The following PCDHGA3 variants were observed in gnomAD, a reference collection of about 807,000 sequenced individuals.
The protein encoded by PCDHGA3 is protocadherin gamma subfamily A, 3, also known as protocadherin gamma-A3.
A neutral mutation model predicts 58.5 loss-of-function variants in PCDHGA3; 40 were observed. The observed-to-expected ratio is 0.68, with a 90% CI of 0.53 to 0.89. PCDHGA3 has a LOEUF of 0.89. Ranked by LOEUF, PCDHGA3 falls within the 40% of genes least tolerant of loss-of-function variation. The probability of loss-of-function intolerance (pLI) is 0.00; values close to 1 mark genes in which losing one functional copy is unlikely to be tolerated. For synonymous variants in PCDHGA3, 530 were observed against 525.7 expected (o/e 1.01, Z -0.11); for missense variants, 1,223 against 1,195.9 (o/e 1.02, Z -0.33).
At chr5:141,355,779 G>C (rs762969886) in intron 1 of PCDHGA3, 1 of 1,613,716 alleles carries the variant, frequency 6.2e-7, no homozygotes, top group East Asian at 2.2e-5. Context: ...AGTACCCAGA[G>C]CTGGTGCTGG....
intron 1 of PCDHGA3, chr5:141,392,696 T>A: frequency 8.2e-7 from 1 of 1,212,692 alleles, no homozygotes. Flanking sequence ...ACCCGACCCC[T>A]GTTTGGAGGC....
At chr5:141,408,226 GCGCCGGGCCGGCC>G (rs2095062452) in intron 1 of PCDHGA3, 1 of 1,562,288 alleles carries the variant, frequency 6.4e-7, no homozygotes, top group South Asian at 1.2e-5. Flanking sequence ...GCGCGCAGAG[GCGCCGGGCCGGCC>G]CGCGGCAGGT....
At chr5:141,351,871 G>T in intron 1 of PCDHGA3, 1 of 1,613,256 alleles carries the variant, frequency 6.2e-7, no homozygotes, top group Non-Finnish European at 8.5e-7. Context: ...GCTCCCCCGC[G>T]CTCAGCGCCA....
At chr5:141,376,372 G>T in intron 1 of PCDHGA3, 1 of 1,614,182 alleles carries the variant, frequency 6.2e-7, no homozygotes, top group Non-Finnish European at 8.5e-7. Flanking sequence ...CTGCAGACTC[G>T]CGTAAGAGTC....
chr5:141,485,065 A>G lies in PCDHGA3; in HGVS notation c.2425-9742A>G, dbSNP rs527439590. On this transcript the variant is annotated intron_variant, in intron 1 of 3. Transcript: ENST00000253812. The surrounding 1 kb of genome is among the most constrained non-coding windows in gnomAD (Gnocchi z 5.7). ...TGCGGCGCCGGCCGAACCGCGCCAG[A>G]GCTGGCGCGGGGAAAGGGAGATAGG... The G allele has an allele frequency of 4.2e-5, 37 of 877,696 alleles. No individual in the cohort carries two copies. Among genetic ancestry groups the G allele is most frequent in the Non-Finnish European group, 6.5e-5 (36 of 552,826 alleles). The allele number at this position is 877,696 out of a possible 1,614,324, so 54.4% of individuals were successfully genotyped here. A position where few individuals can be genotyped will look rare whatever the true frequency, so the allele number is the denominator to read the frequency against.
In PCDHGA3 at chr5:141,345,188, TG is replaced by T. The variant is rs757481424; in HGVS notation, c.1156del (p.Val386SerfsTer9). 9.9e-6 allele frequency: 16 copies of T among 1,614,034 alleles called. No homozygotes were observed. In the South Asian group the frequency reaches 1.6e-4, roughly 17 times the overall value. ...GGCAGAATGGGCAGGTTGAAGTTTT[TG>T]TCCTGGGAAATCTGCCATTTAAGTT... ...SGQNGQVEVF[V>X]LGNLPFKLEK... On this transcript the variant is annotated frameshift_variant, in exon 1 of 4. Coordinates refer to ENST00000253812, the MANE Select transcript of PCDHGA3 (RefSeq NM_018916.4). LOFTEE classifies it high-confidence loss of function.
At chr5:141,499,057 A>G (rs1361057448) in intron 2 of PCDHGA3, among the ~76,000 whole-genome samples, 1 of 152,036 alleles carries the variant, frequency 6.6e-6, no homozygotes, top group Non-Finnish European at 1.5e-5. Flanking sequence ...GAAAAAATGA[A>G]GAAGACTTAC....
chr5:141,475,116 C>G (rs1383017919), intron 1 of PCDHGA3, among the ~76,000 whole-genome samples: 2 of 152,128 alleles, frequency 1.3e-5, no homozygotes, highest in African/African-American at 4.8e-5. Context: ...GTAAATAGGC[C>G]TGGCTTTTTT....
intron 1 of PCDHGA3, chr5:141,404,091 G>A (rs1404367820): frequency 6.2e-7 from 1 of 1,613,422 alleles, no homozygotes; most frequent in Non-Finnish European, 8.5e-7. Flanking sequence ...GGGAAGAATG[G>A]TCAAGTTGTC....
intron 1 of PCDHGA3, among the ~76,000 whole-genome samples, chr5:141,450,025 G>C (rs963999877): frequency 2.7e-5 from 1 of 36,752 alleles, no homozygotes; most frequent in Non-Finnish European, 5.4e-5. Context: ...TTTTTTTTTT[G>C]AGACAGGGTC....
intron 1 of PCDHGA3, among the ~76,000 whole-genome samples, chr5:141,492,409 C>T (rs1367119266): frequency 6.6e-6 from 1 of 152,230 alleles, no homozygotes. Context: ...TCCCCTCTGC[C>T]GCTCCCTCCG....
intron 1 of PCDHGA3, chr5:141,409,268 A>G (rs753457286): frequency 1.5e-5 from 24 of 1,613,896 alleles, no homozygotes; most frequent in Non-Finnish European, 2.0e-5. Context: ...CTCTGATCAG[A>G]TTTTGGAGAA....
intron 1 of PCDHGA3, chr5:141,355,724 A>C (rs749817952): frequency 6.2e-7 from 1 of 1,613,970 alleles, no homozygotes; most frequent in Non-Finnish European, 8.5e-7. Context: ...CTCAACTCAA[A>C]CGGTTACTTT....
Position 141,491,935 on chromosome 5 carries a change from C to A in PCDHGA3, c.2425-2872C>A. 1 of 1,205,518 alleles carries A rather than the reference C, an allele frequency of 8.3e-7. No homozygotes were observed. Among genetic ancestry groups the A allele is most frequent in the South Asian group, 1.7e-5 (1 of 59,176 alleles). 74.7% of individuals were successfully genotyped at this position (1,205,518 alleles called of 1,614,324 possible). On this transcript the variant is annotated intron_variant, in intron 1 of 3. Transcript: ENST00000253812. The surrounding 1 kb of genome is among the most constrained non-coding windows in gnomAD (Gnocchi z 6.9). ...GACTGTGGGCGAGGGGAGGTGGGACCGACCCCCACCCCTACACTCAAAAAA... is the reference window on the plus strand; with the variant it reads ...GACTGTGGGCGAGGGGAGGTGGGACAGACCCCCACCCCTACACTCAAAAAA...
intron 1 of PCDHGA3, chr5:141,408,072 T>G (rs1047187961): frequency 1.7e-5 from 24 of 1,388,622 alleles, no homozygotes; most frequent in Middle Eastern, 2.6e-4. Flanking sequence ...CGCAGACCTT[T>G]CCCAGCACAG....
At chr5:141,352,279 C>T in intron 1 of PCDHGA3, 1 of 1,614,080 alleles carries the variant, frequency 6.2e-7, no homozygotes, top group Non-Finnish European at 8.5e-7. Context: ...ACCTCAGCGA[C>T]CGCCCTGAGC....
At chr5:141,381,763 A>G (rs1419623732) in intron 1 of PCDHGA3, among the ~76,000 whole-genome samples, 2 of 151,122 alleles carry the variant, frequency 1.3e-5, no homozygotes, top group Non-Finnish European at 2.9e-5. Context: ...CTACTACTAT[A>G]TAATCAATAA....
At position 141,344,399 on chromosome 5, in the gene PCDHGA3, A is replaced by T; in HGVS notation, c.366A>T (p.Glu122Asp). The T allele has an allele frequency of 6.2e-7, 1 of 1,611,694 alleles. No homozygotes were observed. Among genetic ancestry groups the T allele is most frequent in the Middle Eastern group, 1.7e-4 (1 of 6,046 alleles). ...DKLKIFEVEI[E>D]IKDINDNAPN... ...TGAAAATTTTTGAAGTAGAAATAGA[A>T]ATTAAAGATATTAATGATAATGCTC... The change falls in exon 1 of 4, where the codon GAA becomes GAT. Residue 122 changes from glutamate (E) to aspartate (D), a missense_variant. Physicochemically the swap from Glu to Asp is conservative, Grantham distance 45 (BLOSUM62 2). Around this residue, in one of 3 missense-constraint regions of PCDHGA3, gnomAD observed 791 missense variants for 708.5 expected, o/e 1.12. Coordinates refer to ENST00000253812, the MANE Select transcript of PCDHGA3 (RefSeq NM_018916.4).
At chr5:141,508,662 T>G (rs2099870759) in intron 3 of PCDHGA3, among the ~76,000 whole-genome samples, 1 of 152,122 alleles carries the variant, frequency 6.6e-6, no homozygotes, top group Non-Finnish European at 1.5e-5. Context: ...CCTGTCATTC[T>G]GTCTCTGCCT....
Sources: allele counts gnomAD v4.1 joint callset (sites outside exome capture counted in the v4.1 genomes callset), GRCh38; gene constraint gnomAD v4.1.1; regional missense constraint gnomAD v4.1.1; non-coding constraint Gnocchi (gnomAD v3.1); transcripts MANE v1.5; gene names NCBI Gene and HGNC (gene_info 2026-07-23, HGNC 2026-07-21).